TSPAN12: variants seen among roughly 807,000 people sequenced by gnomAD.
TSPAN12 encodes tetraspanin 12, also known as tetraspanin-12.
A neutral mutation model predicts 39.2 loss-of-function variants in TSPAN12; 19 were observed. That is an observed-to-expected ratio of 0.49 (90% CI 0.34 to 0.71). The LOEUF is 0.71. TSPAN12 is among the 30% of genes least tolerant of loss of function. TSPAN12 has a pLI of 0.01. For missense variants in TSPAN12, 314 were observed against 359.9 expected, an observed-to-expected ratio of 0.87 and a Z score of 1.03; for synonymous variants, 119 against 124.8, an observed-to-expected ratio of 0.95 and a Z score of 0.31.
At chr7:120,820,556 C>T (rs1794170034) in intron 4 of TSPAN12, among the ~76,000 whole-genome samples, 1 of 152,004 alleles carries the variant, frequency 6.6e-6, no homozygotes, top group Admixed American at 6.6e-5. Flanking sequence ...TTTCTCCCTC[C>T]CTCTGTGTGT....
chr7:120,789,182 G>C (rs1047547822), intron 7 of TSPAN12, among the ~76,000 whole-genome samples: 1 of 152,074 alleles, frequency 6.6e-6, no homozygotes, highest in Non-Finnish European at 1.5e-5. Context: ...TCTAAAGCAG[G>C]GGTTGACAAA....
chr7:120,792,418 T>C (rs1239302393), intron 7 of TSPAN12, among the ~76,000 whole-genome samples: 1 of 152,134 alleles, frequency 6.6e-6, no homozygotes, highest in Non-Finnish European at 1.5e-5. Context: ...CCTGAGGCAG[T>C]TGGTAACAGT....
chr7:120,809,741 T>G (rs1793940917), intron 6 of TSPAN12, among the ~76,000 whole-genome samples: 1 of 152,124 alleles, frequency 6.6e-6, no homozygotes, highest in Admixed American at 6.6e-5. Flanking sequence ...CACCAAATTT[T>G]AAACATCTGA....
In TSPAN12 at chr7:120,788,445, C is replaced by A; in HGVS notation, c.*147G>T. ...TTATGACATGAAACTTTTCCATCCT[C>A]ATTTTAAAGCATAGAATAGTATATG... is the stretch of plus-strand genomic sequence containing the variant. On this transcript the variant is annotated 3_prime_UTR_variant, in exon 8 of 8. Transcript: ENST00000222747. 1.0e-6 allele frequency: 1 copy of A among 970,086 alleles called. No individual in the cohort carries two copies. The highest frequency in any genetic ancestry group is 2.5e-5 in the East Asian group (1 of 39,876). The allele number at this position is 970,086 out of a possible 1,614,324, so 60.1% of individuals were successfully genotyped here.
At chr7:120,809,775 G>A (rs1279776051) in intron 6 of TSPAN12, among the ~76,000 whole-genome samples, 1 of 152,112 alleles carries the variant, frequency 6.6e-6, no homozygotes, top group African/African-American at 2.4e-5. Context: ...TTGAGAAGAT[G>A]GTTGGGTGCA....
At chr7:120,803,991 C>T (rs1793822650) in intron 7 of TSPAN12, among the ~76,000 whole-genome samples, 1 of 152,112 alleles carries the variant, frequency 6.6e-6, no homozygotes, top group African/African-American at 2.4e-5. Flanking sequence ...AGTCCATATT[C>T]AGACTTTATG....
intron 7 of TSPAN12, among the ~76,000 whole-genome samples, chr7:120,805,041 T>C (rs771206536): frequency 7.2e-5 from 11 of 152,120 alleles, no homozygotes; most frequent in Non-Finnish European, 1.3e-4. Flanking sequence ...TAAATTTACG[T>C]TGTCAGAGCC....
intron 7 of TSPAN12, among the ~76,000 whole-genome samples, chr7:120,797,541 A>G (rs1040310126): frequency 1.3e-5 from 2 of 152,222 alleles, no homozygotes; most frequent in African/African-American, 4.8e-5. Context: ...CCATATCTCT[A>G]GCTGAGTTCT....
intron 7 of TSPAN12, among the ~76,000 whole-genome samples, chr7:120,790,498 G>C (rs532614440): frequency 6.6e-6 from 1 of 152,266 alleles, no homozygotes; most frequent in East Asian, 1.9e-4. Context: ...TTAGAAAGTA[G>C]AAAGATCAAA....
chr7:120,791,813 C>T (rs1370991380), intron 7 of TSPAN12, among the ~76,000 whole-genome samples: 2 of 151,982 alleles, frequency 1.3e-5, no homozygotes, highest in Non-Finnish European at 2.9e-5. Context: ...GGGAATGAGA[C>T]CTATTAATAC....
Position 120,788,908 on chromosome 7 carries a change from A to T in TSPAN12, c.613-11T>A. 1 of 1,613,802 alleles carries T rather than the reference A, an allele frequency of 6.2e-7. No homozygotes were observed. Among genetic ancestry groups the T allele is most frequent in the Admixed American group, 1.7e-5 (1 of 60,018 alleles). On this transcript the variant is annotated splice_polypyrimidine_tract_variant and intron_variant, in intron 7 of 7. Transcript: ENST00000222747. ...TTTCTTCCCACAACCCTGTAAAAGA[A>T]ATACATGGTCAACATTACTTTAGAT... is the stretch of plus-strand genomic sequence containing the variant.
intron 7 of TSPAN12, among the ~76,000 whole-genome samples, chr7:120,801,195 C>T (rs1793763701): frequency 6.6e-6 from 1 of 152,098 alleles, no homozygotes; most frequent in South Asian, 2.1e-4. Context: ...TGTTTACCTT[C>T]TGTGAGCACT....
At chr7:120,801,321 T>C (rs1793766374) in intron 7 of TSPAN12, among the ~76,000 whole-genome samples, 1 of 152,152 alleles carries the variant, frequency 6.6e-6, no homozygotes. Flanking sequence ...TTCCTCTATT[T>C]GTCAATGTTT....
chr7:120,854,703 CAA>C, intron 2 of TSPAN12, among the ~76,000 whole-genome samples: 1 of 152,100 alleles, frequency 6.6e-6, no homozygotes, highest in South Asian at 2.1e-4. Context: ...AATTTAACAG[CAA>C]AAAAATCAAG....
At chr7:120,816,652 A>C (rs1189567296) in intron 4 of TSPAN12, among the ~76,000 whole-genome samples, 1 of 152,146 alleles carries the variant, frequency 6.6e-6, no homozygotes, top group African/African-American at 2.4e-5. Context: ...CTGAAGCCAG[A>C]TTATGGTGAA....
At chr7:120,790,987 T>A (rs916829143) in intron 7 of TSPAN12, among the ~76,000 whole-genome samples, 6 of 152,144 alleles carry the variant, frequency 3.9e-5, no homozygotes, top group Non-Finnish European at 7.3e-5. Flanking sequence ...ATAATTAGCA[T>A]GAATATATTA....
At chr7:120,825,684 T>C (rs1489006813) in intron 4 of TSPAN12, among the ~76,000 whole-genome samples, 1 of 152,222 alleles carries the variant, frequency 6.6e-6, no homozygotes. Flanking sequence ...TTATGTTACT[T>C]ACAGTTAGTA....
chr7:120,819,540 CT>C (rs1199476187), intron 4 of TSPAN12, among the ~76,000 whole-genome samples: 1 of 151,968 alleles, frequency 6.6e-6, no homozygotes, highest in African/African-American at 2.4e-5. Context: ...ATTTGTTTGA[CT>C]TTGAGGTTGA....
At position 120,838,781 on chromosome 7, in the gene TSPAN12, G is replaced by C. The variant is rs765321929; in HGVS notation, c.281C>G (p.Ala94Gly). The C allele has an allele frequency of 1.2e-6, 2 of 1,613,608 alleles. No homozygotes were observed. The highest frequency in any genetic ancestry group is 2.2e-5 in the South Asian group (2 of 91,060). ...GTVKRNLLLL[A>G]WYFGSLLVIF... ...AGAGAAAATATAACATCATACCCAT[G>C]CAAGAAGCAACAGATTTCTTTTCAC... is the stretch of plus-strand genomic sequence containing the variant. Residue 94 changes from alanine (A) to glycine (G), a missense_variant, in exon 4 of 8, where the codon GCA (alanine) becomes GGA (glycine). Transcript: ENST00000222747.
Sources: allele counts gnomAD v4.1 joint callset (sites outside exome capture counted in the v4.1 genomes callset), GRCh38; gene constraint gnomAD v4.1.1; transcripts MANE v1.5; gene names NCBI Gene and HGNC (gene_info 2026-07-23, HGNC 2026-07-21).